Variants in PPHLN1 observed in about 807,000 individuals in gnomAD.
The protein encoded by PPHLN1 is periphilin 1.
A neutral mutation model predicts 51.3 loss-of-function variants in PPHLN1; 29 were observed. That is an observed-to-expected ratio of 0.57 (90% CI 0.42 to 0.77). The LOEUF is 0.77. PPHLN1 is among the 30% of genes least tolerant of loss of function. PPHLN1 has a pLI of 0.00. For missense variants in PPHLN1, 436 were observed against 438.4 expected (o/e 0.99, Z 0.05); for synonymous variants, 147 against 147.8 (o/e 0.99, Z 0.04).
chr12:42,355,582 C>CAA (rs71434401), intron 4 of PPHLN1: 20 of 135,282 alleles, frequency 1.5e-4, no homozygotes, highest in Non-Finnish European at 2.5e-4. Context: ...ACTAAAAATA[C>CAA]AAAAAAAAAG....
At position 42,362,141 on chromosome 12, in the gene PPHLN1, AGTG is replaced by A. The variant is rs1206471169; in HGVS notation, c.299+6923_299+6925del. On this transcript the variant is annotated intron_variant, in intron 4 of 9. Transcript: ENST00000358314. Reference sequence around the variant, plus strand: ...GATTTGCATTTTCCTAATGATGACTAGTGGTGATGAACATCATTTCTTGTGCTT... The same window carrying A: ...GATTTGCATTTTCCTAATGATGACTAGTGATGAACATCATTTCTTGTGCTT... 3.3e-5 allele frequency among the ~76,000 whole-genome samples: 5 copies of A among 152,172 alleles called. No individual in the cohort carries two copies. In the East Asian group the frequency reaches 9.6e-4, roughly 29 times the overall value.
chr12:42,401,208 T>C (rs2078814694), intron 9 of PPHLN1, among the ~76,000 whole-genome samples: 1 of 152,170 alleles, frequency 6.6e-6, no homozygotes, highest in Non-Finnish European at 1.5e-5. Context: ...GGGATGTGCC[T>C]GAAAATATTT....
chr12:42,442,778 A>G (rs756650529), downstream of PPHLN1: 6 of 1,611,752 alleles, frequency 3.7e-6, no homozygotes, highest in Non-Finnish European at 5.1e-6. Context: ...TTCCAAGTTC[A>G]GGGGAATTCT....
At chr12:42,377,814 CAG>C (rs763559168) in intron 5 of PPHLN1, among the ~76,000 whole-genome samples, 2 of 151,968 alleles carry the variant, frequency 1.3e-5, no homozygotes, top group Non-Finnish European at 2.9e-5. Context: ...TCCTCAAAAA[CAG>C]AAATTTTGGG....
At chr12:42,376,216 T>G (rs1489727843) in intron 5 of PPHLN1, among the ~76,000 whole-genome samples, 1 of 152,202 alleles carries the variant, frequency 6.6e-6, no homozygotes, top group Non-Finnish European at 1.5e-5. Context: ...TCCAGGATAT[T>G]TCCTTTTCAA....
intron 9 of PPHLN1, among the ~76,000 whole-genome samples, chr12:42,437,081 A>G (rs766009518): frequency 3.9e-5 from 6 of 152,040 alleles, no homozygotes; most frequent in East Asian, 1.9e-4. Flanking sequence ...AAAGGTTCCA[A>G]TTTCTACTTG....
At chr12:42,367,560 T>C (rs1487480651) in intron 4 of PPHLN1, among the ~76,000 whole-genome samples, 1 of 152,152 alleles carries the variant, frequency 6.6e-6, no homozygotes, top group East Asian at 1.9e-4. Context: ...GCCTATTTAA[T>C]AGAGAAAACT....
At position 42,332,796 on chromosome 12, in the gene PPHLN1, A is replaced by G. The variant is rs1450132636; in HGVS notation, c.-20-3087A>G. 9.0e-6 allele frequency: 6 copies of G among 665,266 alleles called. No individual in the cohort carries two copies. The Admixed American group carries it at 1.3e-4, about 14-fold the overall frequency. 41.2% of individuals were successfully genotyped at this position (665,266 alleles called of 1,614,324 possible). On this transcript the variant is annotated intron_variant, in intron 1 of 9. Transcript: ENST00000358314. The stretch of plus-strand genomic sequence containing the variant: ...TTAATATTTCAGTATTAAACTACAT[A>G]CTATTTCTTTAGAACTCTTATTGTT...
chr12:42,442,919 T>G, downstream of PPHLN1: 1 of 1,004,512 alleles, frequency 1.0e-6, no homozygotes, highest in Non-Finnish European at 1.4e-6. Flanking sequence ...CAGTGCAAAC[T>G]GTTGTTTCCC....
intron 5 of PPHLN1, among the ~76,000 whole-genome samples, chr12:42,377,301 C>CTTTTT (rs11297368): frequency 7.4e-4 from 78 of 104,978 alleles, no homozygotes; most frequent in African/African-American, 1.6e-3. Context: ...TTTTTTCTTT[C>CTTTTT]TTTTTTTTTT....
intron 8 of PPHLN1, among the ~76,000 whole-genome samples, chr12:42,395,476 CATATT>C (rs2078116704): frequency 6.6e-6 from 1 of 152,088 alleles, no homozygotes; most frequent in Non-Finnish European, 1.5e-5. Flanking sequence ...AGTCCCATAT[CATATT>C]AATATTTTTC....
chr12:42,355,021 A>C (rs1208449437), intron 3 of PPHLN1, 140 bp from the exon 4 acceptor site: 1 of 696,966 alleles, frequency 1.4e-6, no homozygotes, highest in African/African-American at 1.8e-5. Context: ...GTTGAAATGG[A>C]TGACTTGCTG....
chr12:42,350,246 C>T lies in PPHLN1; in HGVS notation c.73-1639C>T, dbSNP rs545967764. 7.6e-5 allele frequency: 12 copies of T among 157,028 alleles called. 1 individual carries two copies. The South Asian group carries it at 1.4e-3, about 19-fold the overall frequency. The allele number at this position is 157,028 out of a possible 1,614,324, so 9.7% of individuals were successfully genotyped here. On this transcript the variant is annotated intron_variant, in intron 2 of 9. Coordinates refer to ENST00000358314, the MANE Select transcript of PPHLN1 (RefSeq NM_201439.2). ...GCAGAGGCGCTCCTCACCTCCCAGACGGGGTGGTGGCCGGGCAGAGGTGCT... is the reference window on the plus strand; with the variant it reads ...GCAGAGGCGCTCCTCACCTCCCAGATGGGGTGGTGGCCGGGCAGAGGTGCT...
chr12:42,395,972 T>G (rs1414171825), intron 8 of PPHLN1, among the ~76,000 whole-genome samples: 1 of 152,220 alleles, frequency 6.6e-6, no homozygotes, highest in Non-Finnish European at 1.5e-5. Flanking sequence ...TTCAGGCATG[T>G]TGTGGTTCCT....
At chr12:42,430,761 T>G in intron 9 of PPHLN1, among the ~76,000 whole-genome samples, 1 of 152,206 alleles carries the variant, frequency 6.6e-6, no homozygotes, top group East Asian at 1.9e-4. Flanking sequence ...CCCAAAGTGC[T>G]GGGATTATGA....
intron 3 of PPHLN1, among the ~76,000 whole-genome samples, chr12:42,353,911 G>A (rs2073717201): frequency 6.6e-6 from 1 of 152,022 alleles, no homozygotes; most frequent in African/African-American, 2.4e-5. Flanking sequence ...ATACTTTTGT[G>A]TGTATAACAT....
intron 8 of PPHLN1, among the ~76,000 whole-genome samples, chr12:42,394,801 AC>A (rs1478552320): frequency 6.6e-6 from 1 of 152,082 alleles, no homozygotes; most frequent in Non-Finnish European, 1.5e-5. Flanking sequence ...TTTCAGTAAT[AC>A]ATTTAATTGG....
At chr12:42,433,961 A>G (rs568296593) in intron 9 of PPHLN1, among the ~76,000 whole-genome samples, 1 of 152,150 alleles carries the variant, frequency 6.6e-6, no homozygotes, top group Non-Finnish European at 1.5e-5. Flanking sequence ...AAAAAACATA[A>G]CACCACCAAA....
chr12:42,447,050 G>A (rs73273940), downstream of PPHLN1: 1,423 of 158,348 alleles, frequency 9.0e-3, 23 homozygotes, highest in African/African-American at 0.031. Context: ...CTCTCTTCTC[G>A]GCTGCACTAA....
Sources: allele counts gnomAD v4.1 joint callset (sites outside exome capture counted in the v4.1 genomes callset), GRCh38; gene constraint gnomAD v4.1.1; transcripts MANE v1.5; gene names NCBI Gene and HGNC (gene_info 2026-07-23, HGNC 2026-07-21).